NAB1: variants seen among roughly 807,000 people sequenced by gnomAD.
NAB1 encodes NGFI-A binding protein 1.
In NAB1, 25 loss-of-function variants were observed where a neutral mutation model predicts 49.9. The observed-to-expected ratio is 0.50, with a 90% CI of 0.37 to 0.70. NAB1 has a LOEUF of 0.70. Ranked by LOEUF, NAB1 falls within the 30% of genes least tolerant of loss-of-function variation. The pLI, the probability that NAB1 is intolerant of heterozygous loss-of-function variation, is 0.00. For synonymous variants in NAB1, 198 were observed against 215.6 expected (o/e 0.92, Z 0.71); for missense variants, 489 against 575.9 (o/e 0.85, Z 1.54).
At chr2:190,658,223 A>G (rs148607233) in intron 3 of NAB1, among the ~76,000 whole-genome samples, 5 of 152,092 alleles carry the variant, frequency 3.3e-5, no homozygotes, top group African/African-American at 1.2e-4. Flanking sequence ...TCCTTATTTT[A>G]TCCTACAGCC....
rs1279524113 is a variant in NAB1, at chr2:190,682,025, A to C, written c.1006-1713A>C. Among the ~76,000 whole-genome samples the C allele has an allele frequency of 6.6e-6, 1 of 152,194 alleles. No homozygotes were observed. The highest frequency in any genetic ancestry group is 1.5e-5 in the Non-Finnish European group (1 of 68,028). The stretch of plus-strand genomic sequence containing the variant: ...AGGAGTCCTTTAGGAGGTTTCACTA[A>C]AGTTACTAAAACCATGCTGTCATGA... On this transcript the variant is annotated intron_variant, in intron 6 of 9. Coordinates refer to ENST00000337386, the MANE Select transcript of NAB1 (RefSeq NM_005966.4). The surrounding 1 kb of genome is among the most constrained non-coding windows in gnomAD (Gnocchi z 4.1).
In NAB1 at chr2:190,675,698, A is replaced by G. The variant is rs574200250; in HGVS notation, c.1005+2546A>G. ...GGCTTCTTTAAATGCTTTTATAGAC[A>G]CTAGACTTTTGATTTTGTTTCCCAG... On this transcript the variant is annotated intron_variant, in intron 6 of 9. Transcript: ENST00000337386. This position sits in a 1 kb window ranked among gnomAD's most constrained non-coding sequence, Gnocchi z 5.2. Among the ~76,000 whole-genome samples the G allele has an allele frequency of 6.6e-6, 1 of 152,274 alleles. No homozygotes were observed. Among genetic ancestry groups the G allele is most frequent in the South Asian group, 2.1e-4 (1 of 4,826 alleles).
rs75095903 is a variant in NAB1, at chr2:190,667,710, A to G, written c.820-2616A>G. 4.0e-3 allele frequency among the ~76,000 whole-genome samples: 615 copies of G among 152,298 alleles called. 11 individuals carry two copies. The East Asian group carries it at 0.046, about 11-fold the overall frequency. On this transcript the variant is annotated intron_variant, in intron 4 of 9. Transcript: ENST00000337386. The surrounding 1 kb of genome is among the most constrained non-coding windows in gnomAD (Gnocchi z 4.4). ...ACAAATTAATATAAATTACAGTTATAAATTTGGGGAGGAGGATGTTAAATA... is the reference window on the plus strand; with the variant it reads ...ACAAATTAATATAAATTACAGTTATGAATTTGGGGAGGAGGATGTTAAATA...
intron 5 of NAB1, among the ~76,000 whole-genome samples, chr2:190,672,651 T>C (rs1047460387): frequency 6.6e-6 from 1 of 152,192 alleles, no homozygotes; most frequent in African/African-American, 2.4e-5. Context: ...TCCTTGATTT[T>C]TTTTTCATTA....
At chr2:190,683,071 A>G (rs1448730865) in intron 6 of NAB1, among the ~76,000 whole-genome samples, 5 of 152,028 alleles carry the variant, frequency 3.3e-5, no homozygotes, top group Admixed American at 3.3e-4. Flanking sequence ...CAAACCCCCC[A>G]CTAGGTTAAA....
Position 190,689,290 on chromosome 2 carries a change from C to T in NAB1, c.1376-955C>T, listed in dbSNP as rs781311043. Among the ~76,000 whole-genome samples, 1 of 152,088 alleles carries T rather than the reference C, an allele frequency of 6.6e-6. No individual in the cohort carries two copies. The highest frequency in any genetic ancestry group is 6.5e-5 in the Admixed American group (1 of 15,278). On this transcript the variant is annotated intron_variant, in intron 9 of 9. Transcript: ENST00000337386. The surrounding 1 kb of genome is among the most constrained non-coding windows in gnomAD (Gnocchi z 4.3). ...GGTAAAAGAGAAGTAATTTCTACCT[C>T]GTAGGGTAGTTAGGAGGATTAAACA...
Position 190,663,309 on chromosome 2 carries a change from G to A in NAB1, c.819+3314G>A, listed in dbSNP as rs1208799390. Among the ~76,000 whole-genome samples, 1 of 152,146 alleles carries A rather than the reference G, an allele frequency of 6.6e-6. No individual in the cohort carries two copies. The highest frequency in any genetic ancestry group is 1.5e-5 in the Non-Finnish European group (1 of 68,028). On this transcript the variant is annotated intron_variant, in intron 4 of 9. Transcript: ENST00000337386. The surrounding 1 kb of genome is among the most constrained non-coding windows in gnomAD (Gnocchi z 4.2). ...ACCTAATATTGACCTAATATTGATT[G>A]TACACTTATCTCTCCTTAGCTCCTG... is the stretch of plus-strand genomic sequence containing the variant.
At chr2:190,673,225 T>C in intron 6 of NAB1, 73 bp downstream of exon 6, 1 of 1,389,348 alleles carries the variant, frequency 7.2e-7, no homozygotes, top group Non-Finnish European at 1.0e-6. Flanking sequence ...AAATCTTAAC[T>C]AGTTCAGACA....
In NAB1 at chr2:190,667,806, T is replaced by G. The variant is rs908775788; in HGVS notation, c.820-2520T>G. Among the ~76,000 whole-genome samples, 1 of 152,142 alleles carries G rather than the reference T, an allele frequency of 6.6e-6. No homozygotes were observed. Among genetic ancestry groups the G allele is most frequent in the Non-Finnish European group, 1.5e-5 (1 of 68,006 alleles). On this transcript the variant is annotated intron_variant, in intron 4 of 9. Coordinates refer to ENST00000337386, the MANE Select transcript of NAB1 (RefSeq NM_005966.4). The surrounding 1 kb of genome is among the most constrained non-coding windows in gnomAD (Gnocchi z 4.4). ...ACTTAGGTGGGAAAAGTAAAACGAT[T>G]AGACTAAATTATGGAACATTTATAT... is the stretch of plus-strand genomic sequence containing the variant.
chr2:190,678,486 G>A lies in NAB1; in HGVS notation c.1006-5252G>A, dbSNP rs1191968189. ...TTTCTCATTTGAGTTTTCTTCATTC[G>A]CTGAAATTGCTGGAGACTGGGCAGA... is the stretch of plus-strand genomic sequence containing the variant. On this transcript the variant is annotated intron_variant, in intron 6 of 9. Coordinates refer to ENST00000337386, the MANE Select transcript of NAB1 (RefSeq NM_005966.4). The surrounding 1 kb of genome is among the most constrained non-coding windows in gnomAD (Gnocchi z 4.9). 2.6e-5 allele frequency among the ~76,000 whole-genome samples: 4 copies of A among 152,170 alleles called. No homozygotes were observed. The highest frequency in any genetic ancestry group is 7.2e-5 in the African/African-American group (3 of 41,438).
Position 190,689,481 on chromosome 2 carries a change from G to T in NAB1, c.1376-764G>T, listed in dbSNP as rs2125898084. Among the ~76,000 whole-genome samples, 1 of 152,218 alleles carries T rather than the reference G, an allele frequency of 6.6e-6. No individual in the cohort carries two copies. Among genetic ancestry groups the T allele is most frequent in the East Asian group, 1.9e-4 (1 of 5,184 alleles). ...TAATTTCAGATAAGCTATTAGTATT[G>T]ATTACTTTCTAGAATCCAAGGTGTG... On this transcript the variant is annotated intron_variant, in intron 9 of 9. Transcript: ENST00000337386. This position sits in a 1 kb window ranked among gnomAD's most constrained non-coding sequence, Gnocchi z 4.3.
chr2:190,660,756 G>A (rs572490937), intron 4 of NAB1, among the ~76,000 whole-genome samples: 40 of 151,994 alleles, frequency 2.6e-4, no homozygotes, highest in Admixed American at 5.2e-4. Context: ...ATATACTTTT[G>A]TCACAATAAC....
rs529704364 is a variant in NAB1, at chr2:190,677,283, G to A, written c.1005+4131G>A. 2.6e-5 allele frequency: 4 copies of A among 152,262 alleles called. No individual in the cohort carries two copies. Among genetic ancestry groups the A allele is most frequent in the Non-Finnish European group, 4.4e-5 (3 of 68,024 alleles). 9.4% of individuals were successfully genotyped at this position (152,262 alleles called of 1,614,324 possible). Reference sequence around the variant, plus strand: ...CTTAAATAGTGTTCCTCCTTACAGGGTATGTTAAACATTAAAAAACAGATT... The same window carrying A: ...CTTAAATAGTGTTCCTCCTTACAGGATATGTTAAACATTAAAAAACAGATT... On this transcript the variant is annotated intron_variant, in intron 6 of 9. Transcript: ENST00000337386. This position sits in a 1 kb window ranked among gnomAD's most constrained non-coding sequence, Gnocchi z 5.6.
At chr2:190,650,040 GT>G (rs1479637859) in intron 2 of NAB1, 58 bp downstream of exon 2, 1 of 152,136 alleles carries the variant, frequency 6.6e-6, no homozygotes, top group Non-Finnish European at 1.5e-5. Context: ...AATCTTTGTG[GT>G]CTGCAAACTC....
Position 190,685,528 on chromosome 2 carries a change from G to T in NAB1, c.1148G>T (p.Gly383Val). 9 of 1,613,982 alleles carry T rather than the reference G, an allele frequency of 5.6e-6. No individual in the cohort carries two copies. The highest frequency in any genetic ancestry group is 2.2e-5 in the East Asian group (1 of 44,872). ...KQMEFLCNQA[G>V]YERLQHAERR... ...ATGGAGTTCCTTTGCAACCAAGCTGGCTATGAGAGACTGCAGCATGCCGAG... is the reference window on the plus strand; with the variant it reads ...ATGGAGTTCCTTTGCAACCAAGCTGTCTATGAGAGACTGCAGCATGCCGAG... Residue 383 changes from glycine to valine, a missense_variant, in exon 8 of 10, where the codon GGC becomes GTC. Physicochemically the swap from Gly to Val is moderately radical, Grantham distance 109. This residue lies in a region of NAB1 where 212 missense variants were observed against 199.3 expected (regional missense o/e 1.06). Coordinates refer to ENST00000337386, the MANE Select transcript of NAB1 (RefSeq NM_005966.4). This position sits in a 1 kb window ranked among gnomAD's most constrained non-coding sequence, Gnocchi z 4.5.
chr2:190,670,484 AT>A lies in NAB1; in HGVS notation c.953+30del. 6.2e-7 allele frequency: 1 copy of A among 1,610,400 alleles called. No homozygotes were observed. The highest frequency in any genetic ancestry group is 1.1e-5 in the South Asian group (1 of 90,466). The stretch of plus-strand genomic sequence containing the variant: ...AGTAAGTATTTAACTAATCGTCATT[AT>A]TTTTGCATTGCTTGAGAGAAGTAGA... On this transcript the variant is annotated intron_variant, in intron 5 of 9. Transcript: ENST00000337386. The surrounding 1 kb of genome is among the most constrained non-coding windows in gnomAD (Gnocchi z 5.3).
At chr2:190,664,443 A>T (rs1354318574) in intron 4 of NAB1, among the ~76,000 whole-genome samples, 1 of 151,682 alleles carries the variant, frequency 6.6e-6, no homozygotes, top group African/African-American at 2.4e-5. Context: ...TCCCAGGCTT[A>T]GGTGATTCTC....
intron 6 of NAB1, among the ~76,000 whole-genome samples, chr2:190,681,838 A>G (rs1695363303): frequency 6.6e-6 from 1 of 152,210 alleles, no homozygotes; most frequent in African/African-American, 2.4e-5. Context: ...TATCCCAAAT[A>G]AGGTAAAATA....
chr2:190,678,768 A>G lies in NAB1; in HGVS notation c.1006-4970A>G, dbSNP rs1695193637. ...AGCTTGTTGAAAAGAAAGCTGGTCT[A>G]ATTTGACGTAGACTCTTCCCCTCTG... On this transcript the variant is annotated intron_variant, in intron 6 of 9. Coordinates refer to ENST00000337386, the MANE Select transcript of NAB1 (RefSeq NM_005966.4). This position sits in a 1 kb window ranked among gnomAD's most constrained non-coding sequence, Gnocchi z 4.9. Among the ~76,000 whole-genome samples, 1 of 152,226 alleles carries G rather than the reference A, an allele frequency of 6.6e-6. No individual in the cohort carries two copies. The highest frequency in any genetic ancestry group is 1.9e-4 in the East Asian group (1 of 5,200).
Sources: gnomAD v4.1 joint callset for allele counts (sites outside exome capture counted in the v4.1 genomes callset) on GRCh38, gnomAD v4.1.1 for gene constraint, gnomAD v4.1.1 regional missense constraint, Gnocchi (gnomAD v3.1) non-coding constraint, MANE v1.5 for transcripts, NCBI Gene and HGNC (gene_info 2026-07-23, HGNC 2026-07-21) for gene names.